Variants in CDH5 observed in about 807,000 individuals in gnomAD.
The protein encoded by CDH5 is cadherin-5.
In CDH5, 28 loss-of-function variants were observed where a neutral mutation model predicts 62.0. That is an observed-to-expected ratio of 0.45 (90% CI 0.33 to 0.62). The LOEUF (loss-of-function observed/expected upper bound fraction) is 0.62. Ranked by LOEUF, CDH5 falls within the 20% of genes least tolerant of loss-of-function variation. The pLI is 0.02. For missense variants in CDH5, 940 were observed against 1,065.1 expected, an observed-to-expected ratio of 0.88 and a Z score of 1.63; for synonymous variants, 464 against 445.8, an observed-to-expected ratio of 1.04 and a Z score of -0.52.
chr16:66,391,763 T>C (rs996485585), intron 6 of CDH5, among the ~76,000 whole-genome samples: 9 of 152,122 alleles, frequency 5.9e-5, no homozygotes, highest in Non-Finnish European at 8.8e-5. Context: ...CCAAGAGCAA[T>C]ATTCTGTCTC....
intron 10 of CDH5, among the ~76,000 whole-genome samples, chr16:66,399,257 TA>T (rs1961241405): frequency 6.6e-6 from 1 of 152,176 alleles, no homozygotes; most frequent in African/African-American, 2.4e-5. Context: ...GGTGCTGACT[TA>T]AGTGATGATG....
chr16:66,387,086 C>A lies in CDH5; in HGVS notation c.488C>A (p.Ser163Ter). 1 of 1,610,678 alleles carries A rather than the reference C, an allele frequency of 6.2e-7. No individual in the cohort carries two copies. Among genetic ancestry groups the A allele is most frequent in the South Asian group, 1.1e-5 (1 of 90,920 alleles). The part of the protein sequence containing the change: ...HRLFNASVPE[S>*]SAVGTSVISV... Reference sequence around the variant, plus strand: ...TTGTTCAATGCGTCCGTGCCTGAGTCGTCGGCTGTGGGTACGTTGCATGCC... The same window carrying A: ...TTGTTCAATGCGTCCGTGCCTGAGTAGTCGGCTGTGGGTACGTTGCATGCC... The change falls in exon 3 of 12, where the codon TCG (serine) becomes TAG (stop). Residue 163 changes from serine (S) to a stop codon, truncating the protein, a stop_gained. Transcript: ENST00000341529. LOFTEE classifies it high-confidence loss of function.
chr16:66,388,019 G>A (rs1222226775), intron 3 of CDH5, among the ~76,000 whole-genome samples: 2 of 152,196 alleles, frequency 1.3e-5, no homozygotes, highest in African/African-American at 4.8e-5. Flanking sequence ...AGAGGGAGAA[G>A]CAGCTCATTG....
In CDH5 at chr16:66,404,654, C is replaced by G. The variant is rs1464352003; in HGVS notation, c.*1485C>G. On this transcript the variant is annotated 3_prime_UTR_variant, in exon 12 of 12. Transcript: ENST00000341529. ...AGGTTTTTTAGTTGGAAAAACAATT[C>G]CTGTAACCTTCTATTTTCTATAATT... The G allele has an allele frequency of 6.6e-6, 1 of 152,500 alleles. No homozygotes were observed. The highest frequency in any genetic ancestry group is 1.5e-5 in the Non-Finnish European group (1 of 68,040). 9.4% of individuals were successfully genotyped at this position (152,500 alleles called of 1,614,324 possible). A position where few individuals can be genotyped will look rare whatever the true frequency, so the allele number is the denominator to read the frequency against.
chr16:66,395,503 C>CTTTTTTTTTTTTTTTTTTTTTTTTTTT (rs56675642), intron 7 of CDH5: 658 of 80,738 alleles, frequency 8.1e-3, no homozygotes, highest in African/African-American at 9.1e-3. Context: ...CTTTTCTTTT[C>CTTTTTTTTTTTTTTTTTTTTTTTTTTT]TTTTTTTTTT....
Position 66,402,843 on chromosome 16 carries a change from G to C in CDH5, c.2029G>C (p.Ala677Pro), listed in dbSNP as rs763517407. 3.7e-6 allele frequency: 6 copies of C among 1,600,686 alleles called. No individual in the cohort carries two copies. The highest frequency in any genetic ancestry group is 4.3e-6 in the Non-Finnish European group (5 of 1,174,568). Residue 677 changes from alanine (A) to proline (P), a missense_variant, in exon 12 of 12, where the codon GCG becomes CCG. Physicochemically the swap from Ala to Pro is conservative, Grantham distance 27. Coordinates refer to ENST00000341529, the MANE Select transcript of CDH5 (RefSeq NM_001795.5). ...RRGGAKPPRPALDARPSLYAQ... is the reference protein window; with the variant it reads ...RRGGAKPPRPPLDARPSLYAQ... ...CGGCGGGGCCAAGCCCCCGCGGCCC[G>C]CGCTGGACGCCCGGCCTTCCCTCTA...
intron 7 of CDH5, among the ~76,000 whole-genome samples, chr16:66,393,569 AC>A (rs1298181773): frequency 6.6e-6 from 1 of 151,864 alleles, no homozygotes; most frequent in Non-Finnish European, 1.5e-5. Flanking sequence ...ATTCATGAGA[AC>A]TCTGTCCCAT....
chr16:66,402,505 GGGTT>G, intron 11 of CDH5, 143 bp from the exon 12 acceptor site: 1 of 641,124 alleles, frequency 1.6e-6, no homozygotes, highest in Non-Finnish European at 2.6e-6. Flanking sequence ...CAAAAGGATG[GGGTT>G]GCAGGGGAAG....
intron 2 of CDH5, among the ~76,000 whole-genome samples, chr16:66,382,711 G>A (rs950626450): frequency 9.2e-5 from 14 of 152,088 alleles, no homozygotes; most frequent in African/African-American, 1.9e-4. Context: ...CTGGGTCTCC[G>A]AGGAACCACA....
chr16:66,398,633 G>A (rs867391468), intron 10 of CDH5, 72 bp downstream of exon 10: 1 of 791,546 alleles, frequency 1.3e-6, no homozygotes, highest in East Asian at 2.6e-5. Flanking sequence ...TCAGGAGGCT[G>A]AGGCAGGAAG....
intron 2 of CDH5, among the ~76,000 whole-genome samples, chr16:66,380,891 G>C (rs1322348704): frequency 6.6e-6 from 1 of 151,950 alleles, no homozygotes; most frequent in Admixed American, 6.6e-5. Context: ...TGGAGGTGAT[G>C]ATGATGGTGG....
At chr16:66,374,602 A>G (rs961487412) in intron 1 of CDH5, among the ~76,000 whole-genome samples, 5 of 151,362 alleles carry the variant, frequency 3.3e-5, no homozygotes, top group African/African-American at 7.3e-5. Flanking sequence ...CCCACTGAGG[A>G]GTTAATGTCC....
chr16:66,390,613 T>G, intron 6 of CDH5, 23 bp downstream of exon 6: 1 of 1,609,466 alleles, frequency 6.2e-7, no homozygotes, highest in Non-Finnish European at 8.5e-7. Flanking sequence ...ATGGCAACAA[T>G]GTCAAACGTG....
At chr16:66,398,333 T>A (rs1317483998) in intron 9 of CDH5, 123 bp from the exon 10 acceptor site, 9 of 793,928 alleles carry the variant, frequency 1.1e-5, no homozygotes, top group Non-Finnish European at 1.7e-5. Flanking sequence ...ACTAAATAGG[T>A]GAGTGTTGCA....
intron 11 of CDH5, among the ~76,000 whole-genome samples, chr16:66,402,408 G>A (rs1196670098): frequency 4.6e-5 from 5 of 108,720 alleles, no homozygotes; most frequent in African/African-American, 2.5e-4. Flanking sequence ...GCGGGGGAGC[G>A]GCAGGGACGG....
At chr16:66,391,905 T>C (rs913969001) in intron 6 of CDH5, among the ~76,000 whole-genome samples, 8 of 152,288 alleles carry the variant, frequency 5.3e-5, no homozygotes, top group African/African-American at 1.9e-4. Context: ...CAGCCAGGGT[T>C]GTGGGTGTGG....
chr16:66,370,904 C>T (rs1013741656), intron 1 of CDH5, among the ~76,000 whole-genome samples: 2 of 152,140 alleles, frequency 1.3e-5, no homozygotes, highest in African/African-American at 2.4e-5. Flanking sequence ...GGAGAGCTGG[C>T]AGGGTGGGCA....
intron 6 of CDH5, 140 bp downstream of exon 6, chr16:66,390,730 C>CT (rs1170240643): frequency 1.3e-6 from 1 of 745,006 alleles, no homozygotes; most frequent in African/African-American, 1.8e-5. Context: ...TTCATGGAGA[C>CT]TGTGATCCAG....
intron 7 of CDH5, chr16:66,392,666 T>C: frequency 2.4e-6 from 1 of 417,538 alleles, no homozygotes; most frequent in Non-Finnish European, 4.4e-6. Flanking sequence ...TCACCAGTCC[T>C]ATGTGGTAAG....
Sources: gnomAD v4.1 joint callset for allele counts (sites outside exome capture counted in the v4.1 genomes callset) on GRCh38, gnomAD v4.1.1 for gene constraint, MANE v1.5 for transcripts, NCBI Gene and HGNC (gene_info 2026-07-23, HGNC 2026-07-21) for gene names.